The following ZMYM5 variants were observed in gnomAD, a reference collection of about 807,000 sequenced individuals.
ZMYM5 encodes zinc finger MYM-type protein 5.
In ZMYM5, 41 loss-of-function variants were observed where a neutral mutation model predicts 61.8. The ratio of observed to expected loss-of-function variants is 0.66; its 90% CI spans 0.52 to 0.86. ZMYM5 has a LOEUF of 0.86. Ranked by LOEUF, ZMYM5 falls within the 40% of genes least tolerant of loss-of-function variation. The probability of loss-of-function intolerance (pLI) is 0.00; values close to 1 mark genes in which losing one functional copy is unlikely to be tolerated. For missense variants in ZMYM5, 706 were observed against 786.7 expected (o/e 0.90, Z 1.23); for synonymous variants, 257 against 276.4 (o/e 0.93, Z 0.70).
At chr13:19,842,675 C>T (rs9578224) in intron 4 of ZMYM5, among the ~76,000 whole-genome samples, 14,676 of 146,722 alleles carry the variant, frequency 0.1, 855 homozygotes, top group African/African-American at 0.16. Context: ...AAAAAGGTTT[C>T]TTGGCTGGGC....
At chr13:19,828,054 G>A (rs1378644360) in intron 7 of ZMYM5, among the ~76,000 whole-genome samples, 1 of 143,734 alleles carries the variant, frequency 7.0e-6, no homozygotes, top group African/African-American at 2.5e-5. Flanking sequence ...TGTATAAAAT[G>A]TGAATGGCAT....
rs760159031 is a variant in ZMYM5, at chr13:19,823,585, TA to T, written c.*891del. 12 of 152,064 alleles carry T rather than the reference TA, an allele frequency of 7.9e-5. No homozygotes were observed. The highest frequency in any genetic ancestry group is 1.8e-4 in the Non-Finnish European group (12 of 68,022). 9.4% of individuals were successfully genotyped at this position (152,064 alleles called of 1,614,324 possible). A position where few individuals can be genotyped will look rare whatever the true frequency, so the allele number is the denominator to read the frequency against. On this transcript the variant is annotated 3_prime_UTR_variant, in exon 8 of 8. Transcript: ENST00000337963. ...AATAAATGCTAAAACATTTACAAAT[TA>T]AAATAAACATAAAACCAATAAAATG... is the stretch of plus-strand genomic sequence containing the variant.
chr13:19,849,236 G>A (rs541681174), intron 4 of ZMYM5, among the ~76,000 whole-genome samples: 32 of 152,160 alleles, frequency 2.1e-4, no homozygotes, highest in African/African-American at 6.7e-4. Flanking sequence ...CTGACCCATC[G>A]CAGCTTCCTT....
intron 4 of ZMYM5, among the ~76,000 whole-genome samples, chr13:19,845,534 T>G (rs1009516829): frequency 4.6e-5 from 7 of 152,198 alleles, no homozygotes; most frequent in Non-Finnish European, 8.8e-5. Flanking sequence ...AAAGGCCTGG[T>G]TCTCAGCAAG....
At chr13:19,861,167 G>A (rs1005005822) in intron 2 of ZMYM5, among the ~76,000 whole-genome samples, 3 of 151,598 alleles carry the variant, frequency 2.0e-5, no homozygotes, top group Non-Finnish European at 2.9e-5. Flanking sequence ...CATTTTTTTT[G>A]AGACAGACTC....
At chr13:19,829,374 C>T (rs1891089150) in intron 7 of ZMYM5, among the ~76,000 whole-genome samples, 2 of 152,124 alleles carry the variant, frequency 1.3e-5, no homozygotes, top group South Asian at 2.1e-4. Flanking sequence ...CACTCGCAGC[C>T]GTGACCTCCC....
intron 4 of ZMYM5, among the ~76,000 whole-genome samples, 168 bp downstream of exon 4, chr13:19,851,187 C>T (rs1205633112): frequency 6.6e-6 from 1 of 152,104 alleles, no homozygotes; most frequent in African/African-American, 2.4e-5. Flanking sequence ...TGTACTCCAG[C>T]CAGCCTGGGT....
At position 19,823,607 on chromosome 13, in the gene ZMYM5, A is replaced by C. The variant is rs1890771300; in HGVS notation, c.*870T>G. 6.6e-6 allele frequency: 1 copy of C among 152,216 alleles called. No individual in the cohort carries two copies. The highest frequency in any genetic ancestry group is 6.6e-5 in the Admixed American group (1 of 15,256). The allele number at this position is 152,216 out of a possible 1,614,324, so 9.4% of individuals were successfully genotyped here. A position where few individuals can be genotyped will look rare whatever the true frequency, so the allele number is the denominator to read the frequency against. On this transcript the variant is annotated 3_prime_UTR_variant, in exon 8 of 8. Transcript: ENST00000337963. ...AATTAAAATAAACATAAAACCAATA[A>C]AATGGAAATTAACCATCATTAACAT...
At chr13:19,860,227 G>A (rs1245104195) in intron 2 of ZMYM5, among the ~76,000 whole-genome samples, 1 of 150,958 alleles carries the variant, frequency 6.6e-6, no homozygotes, top group African/African-American at 2.4e-5. Flanking sequence ...CTGGGTTCAA[G>A]TGATTCTCCT....
intron 1 of ZMYM5, among the ~76,000 whole-genome samples, chr13:19,862,922 C>T (rs1383760215): frequency 1.3e-5 from 2 of 152,220 alleles, no homozygotes; most frequent in African/African-American, 4.8e-5. Flanking sequence ...GGCCCCAGAT[C>T]CGCCATTAAA....
intron 4 of ZMYM5, 59 bp downstream of exon 4, chr13:19,851,295 TA>T: frequency 7.0e-7 from 1 of 1,427,880 alleles, no homozygotes; most frequent in Non-Finnish European, 9.8e-7. Flanking sequence ...TGAGCTTTAC[TA>T]AAAAGAACAG....
intron 2 of ZMYM5, among the ~76,000 whole-genome samples, chr13:19,861,259 C>G (rs1953749513): frequency 6.6e-6 from 1 of 152,154 alleles, no homozygotes; most frequent in Non-Finnish European, 1.5e-5. Flanking sequence ...AGCGATCCTC[C>G]CACCTCAGCT....
rs1054568143 is a variant in ZMYM5 at position 19,859,490 on chromosome 13, C to G, written c.-11+2909G>C. On this transcript the variant is annotated intron_variant, in intron 2 of 7. Transcript: ENST00000337963. The stretch of plus-strand genomic sequence containing the variant: ...CGATCTTGGCTCACTGCAAGCTCCA[C>G]CTCCCAGGTTCACGCCATCCTCCTG... Among the ~76,000 whole-genome samples, 178 of 152,198 alleles carry G rather than the reference C, an allele frequency of 1.2e-3. 1 individual carries two copies. The highest frequency in any genetic ancestry group is 1.1e-3 in the Non-Finnish European group (75 of 68,010).
chr13:19,857,490 C>T (rs7330564), intron 2 of ZMYM5, among the ~76,000 whole-genome samples: 139,382 of 152,242 alleles, frequency 0.92, 65,062 homozygotes, highest in Non-Finnish European at 1. Context: ...TGTACCATGA[C>T]TCTGAAGGTA....
chr13:19,860,956 G>A (rs1488353021), intron 2 of ZMYM5, among the ~76,000 whole-genome samples: 1 of 151,046 alleles, frequency 6.6e-6, no homozygotes, highest in East Asian at 1.9e-4. Context: ...GTGTGTGTGT[G>A]TGTGTGTCTC....
At position 19,842,960 on chromosome 13, in the gene ZMYM5, CAAAAA is replaced by C. The variant is rs753799756; in HGVS notation, c.587-3980_587-3976del. 4.6e-4 allele frequency among the ~76,000 whole-genome samples: 36 copies of C among 77,774 alleles called. No homozygotes were observed. In the South Asian group the frequency reaches 0.017, roughly 37 times the overall value. 51.0% of individuals were successfully genotyped at this position (77,774 alleles called of 152,430 possible). A position where few individuals can be genotyped will look rare whatever the true frequency, so the allele number is the denominator to read the frequency against. On this transcript the variant is annotated intron_variant, in intron 4 of 7. Transcript: ENST00000337963. The stretch of plus-strand genomic sequence containing the variant: ...GGGAGACAAGAGCCAAACTCCATCT[CAAAAA>C]AAAAAAAAAAAAAAAAAAAAAGTTT...
At position 19,852,040 on chromosome 13, in the gene ZMYM5, C is replaced by G. The variant is rs1324740698; in HGVS notation, c.141G>C (p.Arg47Ser). ...CATCATCATCTTCCACTGGTGAGTT[C>G]CTAGATCTACTGACTAAAGGACAAG... The part of the protein sequence containing the change: ...HPACPLVSRS[R>S]NSPVEDDDDD... The change falls in exon 3 of 8, where the codon AGG (arginine) becomes AGC (serine). Residue 47 changes from arginine (R) to serine (S), a missense_variant. Physicochemically the swap from Arg to Ser is moderately radical, Grantham distance 110 (BLOSUM62 -1). Around this residue, in one of 2 missense-constraint regions of ZMYM5, gnomAD observed 480 missense variants for 461.7 expected, o/e 1.04. Transcript: ENST00000337963. 2 of 1,613,810 alleles carry G rather than the reference C, an allele frequency of 1.2e-6. No homozygotes were observed. The highest frequency in any genetic ancestry group is 1.7e-6 in the Non-Finnish European group (2 of 1,180,004).
intron 7 of ZMYM5, among the ~76,000 whole-genome samples, chr13:19,831,001 G>A (rs934825998): frequency 4.0e-5 from 6 of 151,662 alleles, no homozygotes; most frequent in Non-Finnish European, 7.4e-5. Flanking sequence ...CACCACGCCC[G>A]GCTAATTTTT....
intron 7 of ZMYM5, among the ~76,000 whole-genome samples, chr13:19,829,663 T>C (rs1188268921): frequency 1.3e-5 from 2 of 152,178 alleles, no homozygotes; most frequent in East Asian, 3.9e-4. Context: ...GGTATGATCC[T>C]AGTGCACTGT....
Sources: allele counts gnomAD v4.1 joint callset (sites outside exome capture counted in the v4.1 genomes callset), GRCh38; gene constraint gnomAD v4.1.1; regional missense constraint gnomAD v4.1.1; transcripts MANE v1.5; gene names NCBI Gene and HGNC (gene_info 2026-07-23, HGNC 2026-07-21).